Variants in SERPINB2 observed in about 807,000 individuals in gnomAD.
The protein encoded by SERPINB2 is plasminogen activator inhibitor 2.
Under a neutral mutation model 39.4 loss-of-function variants are expected in SERPINB2, and 28 were observed. The ratio of observed to expected loss-of-function variants is 0.71; its 90% CI spans 0.53 to 0.97. The LOEUF (loss-of-function observed/expected upper bound fraction) is 0.97. Among genes scored for constraint, SERPINB2 ranks in the 50% least tolerant of loss-of-function variants. The probability of loss-of-function intolerance (pLI) is 0.00; values close to 1 mark genes in which losing one functional copy is unlikely to be tolerated. For synonymous variants in SERPINB2, 209 were observed against 175.1 expected (o/e 1.19, Z -1.53); for missense variants, 557 against 505.3 (o/e 1.10, Z -0.98).
At chr18:63,898,166 T>C (rs914989883) in intron 5 of SERPINB2, among the ~76,000 whole-genome samples, 1 of 152,216 alleles carries the variant, frequency 6.6e-6, no homozygotes, top group African/African-American at 2.4e-5. Context: ...ATGCCCACTG[T>C]GGACAAAAAG....
chr18:63,903,422 C>A lies in SERPINB2; in HGVS notation c.*117C>A. Reference sequence around the variant, plus strand: ...TTCTACATATTTCTGCTCTTCTGAACAACTTCTGCTACCCACTAAATAAAA... The same window carrying A: ...TTCTACATATTTCTGCTCTTCTGAAAAACTTCTGCTACCCACTAAATAAAA... On this transcript the variant is annotated 3_prime_UTR_variant, in exon 8 of 8. Transcript: ENST00000299502. 1.0e-6 allele frequency: 1 copy of A among 959,644 alleles called. No homozygotes were observed. Among genetic ancestry groups the A allele is most frequent in the Non-Finnish European group, 1.5e-6 (1 of 687,926 alleles). 59.4% of individuals were successfully genotyped at this position (959,644 alleles called of 1,614,324 possible). A position where few individuals can be genotyped will look rare whatever the true frequency, so the allele number is the denominator to read the frequency against.
rs375613757 is a variant in SERPINB2 at position 63,895,133 on chromosome 18, A to G, written c.169-131A>G. On this transcript the variant is annotated intron_variant, in intron 2 of 7. Coordinates refer to ENST00000299502, the MANE Select transcript of SERPINB2 (RefSeq NM_002575.3). The stretch of plus-strand genomic sequence containing the variant: ...TACACAGAAAGAGTATTGAGTATCT[A>G]TGGTTGTTCCCCATGTATAAGGGAA... 683 of 1,018,434 alleles carry G rather than the reference A, an allele frequency of 6.7e-4. 11 individuals carry two copies. In the South Asian group the frequency reaches 0.01, roughly 15 times the overall value. The allele number at this position is 1,018,434 out of a possible 1,614,324, so 63.1% of individuals were successfully genotyped here.
In SERPINB2 at chr18:63,903,113, T is replaced by G. The variant is rs376349050; in HGVS notation, c.1056T>G (p.Ser352=). 193 of 1,613,736 alleles carry G rather than the reference T, an allele frequency of 1.2e-4. No homozygotes were observed. The highest frequency in any genetic ancestry group is 1.6e-4 in the Non-Finnish European group (186 of 1,179,786). ...CGGAGAGGAATGACCTGTTTCTTTC[T>G]GAAGTGTTCCACCAAGCCATGGTGG... ...GMSERNDLFL[S]EVFHQAMVDV... The change falls in exon 8 of 8, where the codon TCT becomes TCG. Residue 352 remains serine (S), a synonymous_variant. Transcript: ENST00000299502.
At chr18:63,893,977 T>C (rs9320032) in intron 2 of SERPINB2, among the ~76,000 whole-genome samples, 27,854 of 152,068 alleles carry the variant, frequency 0.18, 2,835 homozygotes, top group Middle Eastern at 0.3. Flanking sequence ...ATAAAAGATA[T>C]AAGCTCCTGG....
At position 63,891,319 on chromosome 18, in the gene SERPINB2, GAACA is replaced by G. The variant is rs1317609380; in HGVS notation, c.-9-116_-9-113del. On this transcript the variant is annotated intron_variant, in intron 1 of 7. Transcript: ENST00000299502. ...CTGCCTCATGTTGTTCCATGAGGAAGAACAGACAGGGAATCTGTCCCTACACAGA... is the reference window on the plus strand; with the variant it reads ...CTGCCTCATGTTGTTCCATGAGGAAGGACAGGGAATCTGTCCCTACACAGA... 3.8e-6 allele frequency: 4 copies of G among 1,041,704 alleles called. No homozygotes were observed. The African/African-American group carries it at 4.8e-5, about 13-fold the overall frequency. 64.5% of individuals were successfully genotyped at this position (1,041,704 alleles called of 1,614,324 possible).
intron 7 of SERPINB2, 98 bp downstream of exon 7, chr18:63,902,666 G>A: frequency 1.6e-6 from 2 of 1,257,510 alleles, no homozygotes; most frequent in Non-Finnish European, 2.2e-6. Flanking sequence ...AATTTCTCAT[G>A]GAAATATATG....
At chr18:63,889,507 T>A (rs1056087102) in intron 1 of SERPINB2, among the ~76,000 whole-genome samples, 2 of 152,194 alleles carry the variant, frequency 1.3e-5, no homozygotes, top group African/African-American at 4.8e-5. Flanking sequence ...TATTTAGGTA[T>A]GGGAGAAGTC....
Position 63,891,479 on chromosome 18 carries a change from C to T in SERPINB2, c.35C>T (p.Ala12Val), listed in dbSNP as rs577423777. ...CTTTGTGTGGCAAACACACTCTTTG[C>T]CCTCAATTTATTCAAGCATCTGGCA... ...EDLCVANTLF[A>V]LNLFKHLAKA... is the part of the protein sequence containing the mutation. The change falls in exon 2 of 8, where the codon GCC becomes GTC. Residue 12 changes from alanine (A) to valine (V), a missense_variant. Coordinates refer to ENST00000299502, the MANE Select transcript of SERPINB2 (RefSeq NM_002575.3). 6.2e-7 allele frequency: 1 copy of T among 1,614,066 alleles called. No homozygotes were observed. The highest frequency in any genetic ancestry group is 1.3e-5 in the African/African-American group (1 of 75,012).
chr18:63,897,296 T>C lies in SERPINB2; in HGVS notation c.417+77T>C, dbSNP rs111771420. ...CACTTTCAAAGCAGTTCTCTACAAT[T>C]CAACAGTTCATAAAAGCAGAGTTGG... is the stretch of plus-strand genomic sequence containing the variant. On this transcript the variant is annotated intron_variant, in intron 4 of 7. Transcript: ENST00000299502. 456 of 1,526,164 alleles carry C rather than the reference T, an allele frequency of 3.0e-4. 1 individual carries two copies. In the African/African-American group the frequency reaches 4.3e-3, roughly 14 times the overall value. 94.5% of individuals were successfully genotyped at this position (1,526,164 alleles called of 1,614,324 possible).
Position 63,902,489 on chromosome 18 carries a change from AAC to A in SERPINB2, c.765_766del (p.Glu255AspfsTer8), listed in dbSNP as rs1259041749. 6.2e-7 allele frequency: 1 copy of A among 1,613,724 alleles called. No homozygotes were observed. The highest frequency in any genetic ancestry group is 8.5e-7 in the Non-Finnish European group (1 of 1,179,734). ...GAAGACCTAAAGGCTCAGATTCTAG[AAC>A]TCCCATATGCTGGAGATGTTAGCAT... On this transcript the variant is annotated frameshift_variant, in exon 7 of 8. Coordinates refer to ENST00000299502, the MANE Select transcript of SERPINB2 (RefSeq NM_002575.3). LOFTEE classifies it high-confidence loss of function.
chr18:63,901,749 C>A lies in SERPINB2; in HGVS notation c.545C>A (p.Pro182Gln), dbSNP rs2049992171. 1 of 1,545,980 alleles carries A rather than the reference C, an allele frequency of 6.5e-7. No individual in the cohort carries two copies. Among genetic ancestry groups the A allele is most frequent in the African/African-American group, 1.4e-5 (1 of 70,488 alleles). ...GTTATGTTTTCTGTAGGCAAAATCCCAAACTTGTTACCTGAAGGTTCTGTA... is the reference window on the plus strand; with the variant it reads ...GTTATGTTTTCTGTAGGCAAAATCCAAAACTTGTTACCTGAAGGTTCTGTA... ...WVKTQTKGKI[P>Q]NLLPEGSVDG... is the part of the protein sequence containing the mutation. The change falls in exon 6 of 8, where the codon CCA becomes CAA. Residue 182 changes from proline (P) to glutamine (Q), a missense_variant. Pro to Gln is a moderately conservative substitution (Grantham distance 76). Transcript: ENST00000299502.
intron 2 of SERPINB2, 117 bp from the exon 3 acceptor site, chr18:63,895,147 T>C (rs532118979): frequency 5.2e-6 from 6 of 1,157,692 alleles, no homozygotes; most frequent in South Asian, 1.5e-5. Flanking sequence ...TTGTTCCCCA[T>C]GTATAAGGGA....
intron 1 of SERPINB2, among the ~76,000 whole-genome samples, chr18:63,888,399 T>G (rs1441542907): frequency 6.6e-6 from 1 of 152,224 alleles, no homozygotes; most frequent in African/African-American, 2.4e-5. Flanking sequence ...AAAAAGATAC[T>G]TATTCATTAT....
rs200884637 is a variant in SERPINB2 at position 63,895,320 on chromosome 18, C to A, written c.225C>A (p.Asn75Lys). ...ANAVTPMTPE[N>K]FTSCGFMQQI... ...CAGTTACCCCCATGACTCCAGAGAA[C>A]TTTACCAGCTGTGGGTTCATGCAGC... The change falls in exon 3 of 8, where the codon AAC becomes AAA. Residue 75 changes from asparagine to lysine, a missense_variant. By Grantham distance (94) the Asn-to-Lys change is moderately conservative (BLOSUM62 0). Transcript: ENST00000299502. 88 of 1,614,126 alleles carry A rather than the reference C, an allele frequency of 5.5e-5. 3 individuals are homozygous for A. The highest frequency in any genetic ancestry group is 2.5e-4 in the Admixed American group (15 of 60,020).
At chr18:63,897,370 C>A in intron 4 of SERPINB2, 151 bp downstream of exon 4, 2 of 814,882 alleles carry the variant, frequency 2.5e-6, no homozygotes, top group South Asian at 3.8e-5. Context: ...AGCTGCCCTT[C>A]CTGTACCCTC....
chr18:63,891,621 G>T lies in SERPINB2; in HGVS notation c.168+9G>T, dbSNP rs1261445611. The T allele has an allele frequency of 6.2e-7, 1 of 1,610,022 alleles. No individual in the cohort carries two copies. Among genetic ancestry groups the T allele is most frequent in the South Asian group, 1.1e-5 (1 of 90,888 alleles). On this transcript the variant is annotated intron_variant, in intron 2 of 7. Coordinates refer to ENST00000299502, the MANE Select transcript of SERPINB2 (RefSeq NM_002575.3). ...AAGACCAGATGGCCAAGGTGAGTTT[G>T]AGCTGAAGCTCCACATTTGGGCCGA...
chr18:63,897,552 G>A (rs141240665), intron 4 of SERPINB2, among the ~76,000 whole-genome samples, 175 bp from the exon 5 acceptor site: 2,162 of 151,942 alleles, frequency 0.014, 24 homozygotes, highest in Non-Finnish European at 0.023. Context: ...GGGAGTAAGC[G>A]TGGACAAAGG....
Position 63,902,409 on chromosome 18 carries a change from G to A in SERPINB2, c.684G>A (p.Gln228=). The change falls in exon 7 of 8, where the codon CAG becomes CAA. Residue 228 remains glutamine, a synonymous_variant. Coordinates refer to ENST00000299502, the MANE Select transcript of SERPINB2 (RefSeq NM_002575.3). ...TTACCTTTTAATAATATTAGGCTCA[G>A]CGCACACCTGTACAGATGATGTACT... The part of the protein sequence containing the change: ...GLYPFRVNSA[Q]RTPVQMMYLR... 1 of 1,599,630 alleles carries A rather than the reference G, an allele frequency of 6.3e-7. No individual in the cohort carries two copies. Among genetic ancestry groups the A allele is most frequent in the South Asian group, 1.1e-5 (1 of 88,858 alleles).
chr18:63,891,651 T>A, intron 2 of SERPINB2, 39 bp downstream of exon 2: 3 of 1,585,118 alleles, frequency 1.9e-6, no homozygotes. Flanking sequence ...GGCCGAGTAG[T>A]TCCTGAATGG....
Sources: gnomAD v4.1 joint callset for allele counts (sites outside exome capture counted in the v4.1 genomes callset) on GRCh38, gnomAD v4.1.1 for gene constraint, MANE v1.5 for transcripts, NCBI Gene and HGNC (gene_info 2026-07-23, HGNC 2026-07-21) for gene names.